The following DAB2IP variants were observed in gnomAD, a reference collection of about 807,000 sequenced individuals.
The protein encoded by DAB2IP is disabled homolog 2-interacting protein.
A neutral mutation model predicts 107.2 loss-of-function variants in DAB2IP; 28 were observed. The observed-to-expected ratio is 0.26, with a 90% CI of 0.19 to 0.36. The LOEUF (loss-of-function observed/expected upper bound fraction) is 0.36, where lower values mean the gene tolerates loss of function less well. Ranked by LOEUF, DAB2IP falls within the 10% of genes least tolerant of loss-of-function variation. DAB2IP has a pLI of 1.00. For synonymous variants in DAB2IP, 755 were observed against 706.4 expected (o/e 1.07, Z -1.09); for missense variants, 1,400 against 1,644.7 (o/e 0.85, Z 2.57).
At chr9:121,649,479 GATT>G (rs2119054822), upstream of DAB2IP, among the ~76,000 whole-genome samples, 1 of 102,854 alleles carries the variant, frequency 9.7e-6, no homozygotes, top group Non-Finnish European at 2.5e-5. Context: ...ACAGTGAGTT[GATT>G]GTGAGCCTCC....
intron 3 of DAB2IP, among the ~76,000 whole-genome samples, chr9:121,723,858 C>T (rs1193901246): frequency 6.6e-6 from 1 of 152,158 alleles, no homozygotes; most frequent in Non-Finnish European, 1.5e-5. Context: ...GGCACCTTGG[C>T]CCTGCCCACT....
At chr9:121,584,400 C>T (rs950647528) in intron 1 of DAB2IP, among the ~76,000 whole-genome samples, 3 of 151,514 alleles carry the variant, frequency 2.0e-5, no homozygotes, top group South Asian at 2.1e-4. Flanking sequence ...AGAGCAAGAC[C>T]CTGTCTCTAC....
chr9:121,567,144 C>G (rs771262362), exon 1 of DAB2IP: 2 of 1,613,080 alleles, frequency 1.2e-6, no homozygotes, highest in Non-Finnish European at 1.7e-6. Context: ...GAGACAGCCT[C>G]GGTTCATAAA....
intron 3 of DAB2IP, among the ~76,000 whole-genome samples, chr9:121,754,369 C>T (rs1833332224): frequency 6.6e-6 from 1 of 152,190 alleles, no homozygotes; most frequent in African/African-American, 2.4e-5. Flanking sequence ...ACCACCCACC[C>T]GCTTGCTGTA....
chr9:121,658,570 C>T (rs1482849452), intron 1 of DAB2IP, among the ~76,000 whole-genome samples: 1 of 152,208 alleles, frequency 6.6e-6, no homozygotes. Context: ...GAAATTGGCC[C>T]ATGTGGCCTT....
chr9:121,640,213 A>G (rs1305662924), intron 1 of DAB2IP, among the ~76,000 whole-genome samples: 1 of 152,140 alleles, frequency 6.6e-6, no homozygotes, highest in Admixed American at 6.5e-5. Flanking sequence ...AGCAGGGGGC[A>G]GCGCAGATCA....
chr9:121,646,533 CCCAGAGCT>C (rs1832545153), intron 1 of DAB2IP, among the ~76,000 whole-genome samples: 1 of 147,998 alleles, frequency 6.8e-6, no homozygotes. Flanking sequence ...CCCACCCCTG[CCCAGAGCT>C]CCAGAGACTG....
chr9:121,767,656 G>C (rs1834384258), intron 9 of DAB2IP, among the ~76,000 whole-genome samples: 1 of 152,224 alleles, frequency 6.6e-6, no homozygotes, highest in South Asian at 2.1e-4. Flanking sequence ...AAACAAGGGA[G>C]AGGATGGCCT....
intron 1 of DAB2IP, among the ~76,000 whole-genome samples, chr9:121,583,823 T>C (rs1301917909): frequency 6.6e-6 from 1 of 152,186 alleles, no homozygotes; most frequent in East Asian, 1.9e-4. Flanking sequence ...AGTTGGCGTG[T>C]AGGAGACACT....
At chr9:121,605,392 G>A (rs1384204022) in intron 1 of DAB2IP, among the ~76,000 whole-genome samples, 3 of 152,142 alleles carry the variant, frequency 2.0e-5, no homozygotes, top group Non-Finnish European at 4.4e-5. Flanking sequence ...AAGGGGGACC[G>A]GCCTAAAAGC....
chr9:121,628,354 C>T (rs918911636), intron 1 of DAB2IP, among the ~76,000 whole-genome samples: 4 of 152,358 alleles, frequency 2.6e-5, no homozygotes, highest in Admixed American at 2.0e-4. Flanking sequence ...TGTGAACAGA[C>T]TCTGCCTCTG....
At chr9:121,644,337 C>A (rs567683669) in intron 1 of DAB2IP, among the ~76,000 whole-genome samples, 1 of 152,186 alleles carries the variant, frequency 6.6e-6, no homozygotes, top group Non-Finnish European at 1.5e-5. Context: ...TGGCTCATGC[C>A]TGTAATCCCA....
Position 121,662,531 on chromosome 9 carries a change from C to G in DAB2IP, c.124+10632C>G, listed in dbSNP as rs866615790. ...TGTGTATTGTCTATAGCTGCTTTCACGCTACAATGGCAGAGTTGAATAGCT... is the reference window on the plus strand; with the variant it reads ...TGTGTATTGTCTATAGCTGCTTTCAGGCTACAATGGCAGAGTTGAATAGCT... On this transcript the variant is annotated intron_variant, in intron 1 of 15. Transcript: ENST00000408936. This position sits in a 1 kb window ranked among gnomAD's most constrained non-coding sequence, Gnocchi z 4.6. Among the ~76,000 whole-genome samples, 1 of 152,228 alleles carries G rather than the reference C, an allele frequency of 6.6e-6. No homozygotes were observed. Among genetic ancestry groups the G allele is most frequent in the Non-Finnish European group, 1.5e-5 (1 of 68,036 alleles).
intron 1 of DAB2IP, among the ~76,000 whole-genome samples, chr9:121,672,159 C>G (rs1229784018): frequency 6.6e-6 from 1 of 152,168 alleles, no homozygotes; most frequent in Non-Finnish European, 1.5e-5. Flanking sequence ...TGGTCTAGGA[C>G]CTTTCCAAAA....
chr9:121,595,252 G>A (rs533408175), intron 1 of DAB2IP, among the ~76,000 whole-genome samples: 3 of 151,676 alleles, frequency 2.0e-5, no homozygotes, highest in East Asian at 1.9e-4. Flanking sequence ...AAAAAAAAAA[G>A]TGATGAAGAA....
rs1331693167 is a variant in DAB2IP, at chr9:121,684,717, C to T, written c.228+5936C>T. 1.3e-5 allele frequency among the ~76,000 whole-genome samples: 2 copies of T among 152,218 alleles called. No individual in the cohort carries two copies. Among genetic ancestry groups the T allele is most frequent in the African/African-American group, 2.4e-5 (1 of 41,454 alleles). ...TGCCCCTTCCAAGCTACGGAGGCTC[C>T]GGGTGGCTGTTGGGGTGGGGAACAG... On this transcript the variant is annotated intron_variant, in intron 2 of 15. Transcript: ENST00000408936. The surrounding 1 kb of genome is among the most constrained non-coding windows in gnomAD (Gnocchi z 4.0).
intron 3 of DAB2IP, among the ~76,000 whole-genome samples, chr9:121,738,259 G>A (rs570395944): frequency 2.4e-4 from 37 of 152,298 alleles, no homozygotes; most frequent in Admixed American, 6.5e-4. Context: ...ACAGGTGAGG[G>A]GGAAACTGCC....
At chr9:121,740,026 A>G (rs141821018) in intron 3 of DAB2IP, among the ~76,000 whole-genome samples, 37 of 152,284 alleles carry the variant, frequency 2.4e-4, no homozygotes, top group Non-Finnish European at 4.4e-4. Context: ...GGTGTCCTCA[A>G]GGAGACCCAG....
At chr9:121,611,677 T>C (rs1191132086) in intron 1 of DAB2IP, among the ~76,000 whole-genome samples, 1 of 152,156 alleles carries the variant, frequency 6.6e-6, no homozygotes, top group African/African-American at 2.4e-5. Flanking sequence ...CTCTGCCTCC[T>C]GGGTTCAAGT....
Sources: gnomAD v4.1 joint callset for allele counts (sites outside exome capture counted in the v4.1 genomes callset) on GRCh38, gnomAD v4.1.1 for gene constraint, Gnocchi (gnomAD v3.1) non-coding constraint, MANE v1.5 for transcripts, NCBI Gene and HGNC (gene_info 2026-07-23, HGNC 2026-07-21) for gene names.